Variants in DYNLL2 observed in about 807,000 individuals in gnomAD.
The protein encoded by DYNLL2 is dynein light chain 2, cytoplasmic.
In DYNLL2, 1 loss-of-function variant was observed where a neutral mutation model predicts 9.7. The observed-to-expected ratio is 0.10, with a 90% CI of 0.04 to 0.49. The LOEUF (loss-of-function observed/expected upper bound fraction) is 0.49, where lower values mean the gene tolerates loss of function less well. DYNLL2 is among the 20% of genes least tolerant of loss of function. The pLI, the probability that DYNLL2 is intolerant of heterozygous loss-of-function variation, is 0.95. For missense variants in DYNLL2, 37 were observed against 115.2 expected (o/e 0.32, Z 3.11); for synonymous variants, 35 against 40.5 (o/e 0.86, Z 0.52).
intron 1 of DYNLL2, 54 bp from the exon 2 acceptor site, chr17:58,087,028 G>C: frequency 6.3e-7 from 1 of 1,595,786 alleles, no homozygotes; most frequent in Non-Finnish European, 8.6e-7. Flanking sequence ...AGCAGCTAAT[G>C]TTCACTGCCC....
At chr17:58,087,362 A>G in intron 2 of DYNLL2, 140 bp downstream of exon 2, 1 of 1,258,290 alleles carries the variant, frequency 7.9e-7, no homozygotes, top group Non-Finnish European at 1.1e-6. Context: ...CAAAGCAGAC[A>G]AACTAGCGAG....
chr17:58,090,087 C>G lies in DYNLL2; in HGVS notation c.*808C>G, dbSNP rs1226856350. The G allele has an allele frequency of 2.5e-6, 1 of 394,162 alleles. No individual in the cohort carries two copies. The highest frequency in any genetic ancestry group is 2.1e-5 in the African/African-American group (1 of 48,380). 24.4% of individuals were successfully genotyped at this position (394,162 alleles called of 1,614,324 possible). A position where few individuals can be genotyped will look rare whatever the true frequency, so the allele number is the denominator to read the frequency against. ...TGCTCCCTGCTTAGCCCTCAGTTTC[C>G]TCATTCCTCTGGAGTTCTCTTAGAG... On this transcript the variant is annotated 3_prime_UTR_variant, in exon 3 of 3. Coordinates refer to ENST00000579991, the MANE Select transcript of DYNLL2 (RefSeq NM_080677.3).
At chr17:58,084,192 GAGGTCGGGGGGA>G (rs890953588) in intron 1 of DYNLL2, among the ~76,000 whole-genome samples, 31 of 151,472 alleles carry the variant, frequency 2.0e-4, no homozygotes, top group African/African-American at 7.5e-4. Context: ...GCGCGGGCGG[GAGGTCGGGGGGA>G]AGGAGGATGC....
chr17:58,084,929 C>A (rs1598087398), intron 1 of DYNLL2, among the ~76,000 whole-genome samples: 1 of 152,044 alleles, frequency 6.6e-6, no homozygotes, highest in East Asian at 1.9e-4. Flanking sequence ...ATGTAAGAAC[C>A]TTTCTCCCTG....
chr17:58,087,148 G>A lies in DYNLL2; in HGVS notation c.58G>A (p.Asp20Asn). 1 of 1,614,220 alleles carries A rather than the reference G, an allele frequency of 6.2e-7. No homozygotes were observed. Among genetic ancestry groups the A allele is most frequent in the Non-Finnish European group, 8.5e-7 (1 of 1,180,038 alleles). The change falls in exon 2 of 3, where the codon GAT becomes AAT. Residue 20 changes from aspartate to asparagine, a missense_variant. Transcript: ENST00000579991. ...NADMSEDMQQ[D>N]AVDCATQAME... The stretch of plus-strand genomic sequence containing the variant: ...AGACATGTCTGAGGACATGCAACAG[G>A]ATGCCGTTGACTGCGCCACGCAGGC...
At chr17:58,087,476 C>T (rs914326813) in intron 2 of DYNLL2, among the ~76,000 whole-genome samples, 1 of 152,038 alleles carries the variant, frequency 6.6e-6, no homozygotes, top group Non-Finnish European at 1.5e-5. Flanking sequence ...AATTATGCTA[C>T]TGCAAGGCAT....
intron 2 of DYNLL2, 29 bp from the exon 3 acceptor site, chr17:58,089,113 C>T (rs1213872638): frequency 6.2e-7 from 1 of 1,612,220 alleles, no homozygotes; most frequent in African/African-American, 1.3e-5. Flanking sequence ...CCCTAATTAC[C>T]TTTCTTCTCT....
chr17:58,085,106 A>G (rs931819747), intron 1 of DYNLL2, among the ~76,000 whole-genome samples: 3 of 152,030 alleles, frequency 2.0e-5, no homozygotes, highest in Non-Finnish European at 2.9e-5. Flanking sequence ...GTGCTCACAG[A>G]CTCCAGTTGA....
rs976643438 is a variant in DYNLL2, at chr17:58,093,376, T to C, written c.*4097T>C. On this transcript the variant is annotated 3_prime_UTR_variant, in exon 3 of 3. Transcript: ENST00000579991. ...AGTGTGTTCATAAAGTGCATTTTAT[T>C]TTTAAAGCATTTCAGTTTATGTTGC... 1.3e-5 allele frequency: 2 copies of C among 152,216 alleles called. No individual in the cohort carries two copies. Among genetic ancestry groups the C allele is most frequent in the African/African-American group, 2.4e-5 (1 of 41,440 alleles). 9.4% of individuals were successfully genotyped at this position (152,216 alleles called of 1,614,324 possible).
chr17:58,083,887 C>T (rs1256192312), intron 1 of DYNLL2, among the ~76,000 whole-genome samples: 1 of 151,292 alleles, frequency 6.6e-6, no homozygotes, highest in African/African-American at 2.4e-5. Flanking sequence ...CGGCGCAGCC[C>T]GGGCTGCGCC....
chr17:58,085,244 C>T (rs112737461), intron 1 of DYNLL2, among the ~76,000 whole-genome samples: 1 of 152,142 alleles, frequency 6.6e-6, no homozygotes, highest in Non-Finnish European at 1.5e-5. Flanking sequence ...GATGAAGGGG[C>T]CTTGGATGCG....
chr17:58,085,798 T>C (rs953099132), intron 1 of DYNLL2, among the ~76,000 whole-genome samples: 4 of 152,256 alleles, frequency 2.6e-5, no homozygotes, highest in African/African-American at 9.6e-5. Flanking sequence ...TCCAGGTTTT[T>C]CCCAAGCCTC....
rs1168481313 is a variant in DYNLL2, at chr17:58,089,370, T to C, written c.*91T>C. ...TTTTGCACTGGAGCCAGCATCAGGATGTCCTCTCCAATGGCTGTGCTACTG... is the reference window on the plus strand; with the variant it reads ...TTTTGCACTGGAGCCAGCATCAGGACGTCCTCTCCAATGGCTGTGCTACTG... On this transcript the variant is annotated 3_prime_UTR_variant, in exon 3 of 3. Coordinates refer to ENST00000579991, the MANE Select transcript of DYNLL2 (RefSeq NM_080677.3). 1 of 1,509,612 alleles carries C rather than the reference T, an allele frequency of 6.6e-7. No individual in the cohort carries two copies. The highest frequency in any genetic ancestry group is 9.0e-7 in the Non-Finnish European group (1 of 1,109,338). The allele number at this position is 1,509,612 out of a possible 1,614,324, so 93.5% of individuals were successfully genotyped here. A position where few individuals can be genotyped will look rare whatever the true frequency, so the allele number is the denominator to read the frequency against.
rs767854003 is a variant in DYNLL2, at chr17:58,087,241, G to C, written c.132+19G>C. The C allele has an allele frequency of 6.2e-7, 1 of 1,612,152 alleles. No individual in the cohort carries two copies. The highest frequency in any genetic ancestry group is 8.5e-7 in the Non-Finnish European group (1 of 1,178,358). ...CAAGAAGGTGTGCTGGGAGAGCTGG[G>C]ACTGATGGCCAGGGGTGGGGATCGA... is the stretch of plus-strand genomic sequence containing the variant. On this transcript the variant is annotated intron_variant, in intron 2 of 2. Transcript: ENST00000579991.
intron 2 of DYNLL2, 113 bp from the exon 3 acceptor site, chr17:58,089,029 G>A: frequency 7.5e-7 from 1 of 1,331,448 alleles, no homozygotes; most frequent in Non-Finnish European, 1.1e-6. Context: ...TGGGGTGGGG[G>A]TGATAACAAC....
intron 2 of DYNLL2, 43 bp downstream of exon 2, chr17:58,087,265 G>T: frequency 6.2e-7 from 1 of 1,609,218 alleles, no homozygotes; most frequent in South Asian, 1.1e-5. Flanking sequence ...GGTGGGGATC[G>T]ACAGCTGAGC....
chr17:58,085,684 C>T (rs76259387), intron 1 of DYNLL2, among the ~76,000 whole-genome samples: 1 of 152,290 alleles, frequency 6.6e-6, no homozygotes, highest in East Asian at 1.9e-4. Flanking sequence ...TGCCTGGAAC[C>T]TGTGGTTGCT....
In DYNLL2 at chr17:58,093,800, T is replaced by A. The variant is rs56055539; in HGVS notation, c.*4521T>A. The A allele has an allele frequency of 6.6e-6, 1 of 152,240 alleles. No individual in the cohort carries two copies. The highest frequency in any genetic ancestry group is 6.5e-5 in the Admixed American group (1 of 15,286). 9.4% of individuals were successfully genotyped at this position (152,240 alleles called of 1,614,324 possible). A position where few individuals can be genotyped will look rare whatever the true frequency, so the allele number is the denominator to read the frequency against. On this transcript the variant is annotated 3_prime_UTR_variant, in exon 3 of 3. Coordinates refer to ENST00000579991, the MANE Select transcript of DYNLL2 (RefSeq NM_080677.3). ...AGCAGACGCCTAGAGTTCTGACCTC[T>A]TGGGCCTCCCCTAAACAAAAAGCAT...
rs1412809292 is a variant in DYNLL2, at chr17:58,083,448, G to C, written c.-245G>C. 1 of 137,178 alleles carries C rather than the reference G, an allele frequency of 7.3e-6. No individual in the cohort carries two copies. The highest frequency in any genetic ancestry group is 1.6e-5 in the Non-Finnish European group (1 of 61,966). 8.5% of individuals were successfully genotyped at this position (137,178 alleles called of 1,614,324 possible). A position where few individuals can be genotyped will look rare whatever the true frequency, so the allele number is the denominator to read the frequency against. ...GCAGAGCGGAGCGGAGCTGTGAGGC[G>C]CCAGTGCGGAGCGGGCGGGCGGGCG... On this transcript the variant is annotated 5_prime_UTR_variant, in exon 1 of 3. Transcript: ENST00000579991.
Sources: allele counts gnomAD v4.1 joint callset (sites outside exome capture counted in the v4.1 genomes callset), GRCh38; gene constraint gnomAD v4.1.1; transcripts MANE v1.5; gene names NCBI Gene and HGNC (gene_info 2026-07-23, HGNC 2026-07-21).